GLO1: variants seen among roughly 807,000 people sequenced by gnomAD.
The protein encoded by GLO1 is glyoxalase I, also known as lactoylglutathione lyase.
In GLO1, 28 loss-of-function variants were observed where a neutral mutation model predicts 26.0. The observed-to-expected ratio is 1.08, with a 90% CI of 0.80 to 1.48. GLO1 has a LOEUF of 1.48. GLO1 is among the 40% of genes most tolerant of loss of function. The pLI is 0.00. For missense variants in GLO1, 225 were observed against 224.8 expected (o/e 1.00, Z -0.01); for synonymous variants, 78 against 77.6 (o/e 1.00, Z -0.03).
At position 38,693,693 on chromosome 6, in the gene GLO1, A is replaced by C. The variant is rs868499641; in HGVS notation, c.85-6719T>G. The stretch of plus-strand genomic sequence containing the variant: ...TCTCTCTCTCTCTCTCTCTATATAT[A>C]TATATATATATATTTGTTTTGTTTT... On this transcript the variant is annotated intron_variant, in intron 1 of 5. Coordinates refer to ENST00000373365, the MANE Select transcript of GLO1 (RefSeq NM_006708.3). Among the ~76,000 whole-genome samples, 243 of 131,644 alleles carry C rather than the reference A, an allele frequency of 1.8e-3. 4 individuals are homozygous for C. Among genetic ancestry groups the C allele is most frequent in the South Asian group, 0.014 (61 of 4,270 alleles). The allele number at this position is 131,644 out of a possible 152,430, so 86.4% of individuals were successfully genotyped here. A position where few individuals can be genotyped will look rare whatever the true frequency, so the allele number is the denominator to read the frequency against.
chr6:38,685,867 A>T (rs1323985993), intron 2 of GLO1, among the ~76,000 whole-genome samples: 2 of 152,208 alleles, frequency 1.3e-5, no homozygotes, highest in Non-Finnish European at 2.9e-5. Flanking sequence ...CCCATCAGAC[A>T]ATGGATACAG....
chr6:38,683,006 TA>T (rs1761405287), intron 3 of GLO1, 131 bp from the exon 4 acceptor site: 1 of 605,244 alleles, frequency 1.7e-6, no homozygotes, highest in Non-Finnish European at 3.0e-6. Context: ...GCTACAAAAA[TA>T]TTAAGTTTTC....
At chr6:38,702,757 G>A (rs1157747538) in intron 1 of GLO1, among the ~76,000 whole-genome samples, 1 of 152,122 alleles carries the variant, frequency 6.6e-6, no homozygotes, top group African/African-American at 2.4e-5. Context: ...AAACAGGGTC[G>A]CAGTCTTTGA....
Position 38,681,994 on chromosome 6 carries a change from A to C in GLO1, c.466+18T>G, listed in dbSNP as rs769681686. Reference sequence around the variant, plus strand: ...ATCAACTAAAGACAGGCCTGAACACAGTAAGTAGTAGACTCACCATCATCA... The same window carrying C: ...ATCAACTAAAGACAGGCCTGAACACCGTAAGTAGTAGACTCACCATCATCA... On this transcript the variant is annotated intron_variant, in intron 5 of 5. Coordinates refer to ENST00000373365, the MANE Select transcript of GLO1 (RefSeq NM_006708.3). The C allele has an allele frequency of 8.0e-7, 1 of 1,245,252 alleles. No individual in the cohort carries two copies. Among genetic ancestry groups the C allele is most frequent in the Non-Finnish European group, 1.2e-6 (1 of 842,906 alleles). 77.1% of individuals were successfully genotyped at this position (1,245,252 alleles called of 1,614,324 possible). A position where few individuals can be genotyped will look rare whatever the true frequency, so the allele number is the denominator to read the frequency against.
At chr6:38,699,765 G>C (rs1157918092) in intron 1 of GLO1, among the ~76,000 whole-genome samples, 1 of 152,084 alleles carries the variant, frequency 6.6e-6, no homozygotes, top group Non-Finnish European at 1.5e-5. Flanking sequence ...TTTGTGGTCA[G>C]ACCGCTTCTC....
intron 1 of GLO1, among the ~76,000 whole-genome samples, chr6:38,700,581 C>T (rs1761683753): frequency 6.6e-6 from 1 of 152,108 alleles, no homozygotes; most frequent in Admixed American, 6.5e-5. Context: ...CTTTAAAAAC[C>T]TCTACCTCCC....
Position 38,677,067 on chromosome 6 carries a change from T to A in GLO1, c.*228A>T. 1 of 506,004 alleles carries A rather than the reference T, an allele frequency of 2.0e-6. No homozygotes were observed. Among genetic ancestry groups the A allele is most frequent in the Non-Finnish European group, 3.4e-6 (1 of 290,902 alleles). 31.3% of individuals were successfully genotyped at this position (506,004 alleles called of 1,614,324 possible). On this transcript the variant is annotated 3_prime_UTR_variant, in exon 6 of 6. Transcript: ENST00000373365. ...ACTGTTCTAATTATTACCTAAAAAATAAAGTTACACAACTATATTCAAGGA... is the reference window on the plus strand; with the variant it reads ...ACTGTTCTAATTATTACCTAAAAAAAAAAGTTACACAACTATATTCAAGGA...
chr6:38,701,624 T>C (rs1761698930), intron 1 of GLO1, among the ~76,000 whole-genome samples: 1 of 152,220 alleles, frequency 6.6e-6, no homozygotes, highest in Non-Finnish European at 1.5e-5. Flanking sequence ...ACAAGTGAGA[T>C]GGGCATGACG....
chr6:38,684,549 C>T (rs1761435430), intron 2 of GLO1, 35 bp from the exon 3 acceptor site: 3 of 1,384,422 alleles, frequency 2.2e-6, no homozygotes, highest in Non-Finnish European at 2.8e-6. Context: ...GAATCATTAA[C>T]AACAGGAAAG....
At chr6:38,702,022 C>A (rs1196349494) in intron 1 of GLO1, among the ~76,000 whole-genome samples, 1 of 151,802 alleles carries the variant, frequency 6.6e-6, no homozygotes, top group Non-Finnish European at 1.5e-5. Flanking sequence ...GCTCCGCCTC[C>A]CGGGTTCATG....
Position 38,690,518 on chromosome 6 carries a change from T to C in GLO1, c.85-3544A>G, listed in dbSNP as rs972178179. 2.6e-5 allele frequency among the ~76,000 whole-genome samples: 4 copies of C among 151,996 alleles called. No homozygotes were observed. In the South Asian group the frequency reaches 6.2e-4, roughly 24 times the overall value. ...TCTAATGGCATGGGAATATATAAAA[T>C]GGTATATTAGCTTTTAAAAACATTA... is the stretch of plus-strand genomic sequence containing the variant. On this transcript the variant is annotated intron_variant, in intron 1 of 5. Transcript: ENST00000373365.
intron 5 of GLO1, 108 bp downstream of exon 5, chr6:38,681,904 A>C (rs1207079009): frequency 7.4e-6 from 5 of 672,960 alleles, no homozygotes; most frequent in Non-Finnish European, 8.2e-6. Flanking sequence ...TGAAGTGGAG[A>C]CTTCTGTTAC....
rs1203906028 is a variant in GLO1 at position 38,676,342 on chromosome 6, A to C, written c.*953T>G. 1 of 152,168 alleles carries C rather than the reference A, an allele frequency of 6.6e-6. No homozygotes were observed. 9.4% of individuals were successfully genotyped at this position (152,168 alleles called of 1,614,324 possible). A position where few individuals can be genotyped will look rare whatever the true frequency, so the allele number is the denominator to read the frequency against. On this transcript the variant is annotated 3_prime_UTR_variant, in exon 6 of 6. Transcript: ENST00000373365. ...TGAGAAATATAAACATCACTTGTGT[A>C]GGAATCACCAGGTGTCCCTAGAGCA...
intron 1 of GLO1, among the ~76,000 whole-genome samples, chr6:38,689,713 G>A (rs543964814): frequency 1.4e-4 from 22 of 152,176 alleles, no homozygotes; most frequent in Non-Finnish European, 3.1e-4. Context: ...TTGGGGGGCT[G>A]AGACGGGCGG....
intron 1 of GLO1, among the ~76,000 whole-genome samples, chr6:38,698,422 T>A (rs549559234): frequency 6.7e-6 from 1 of 148,388 alleles, no homozygotes; most frequent in South Asian, 2.1e-4. Context: ...AGGGACCCCA[T>A]CATATATATA....
intron 5 of GLO1, among the ~76,000 whole-genome samples, chr6:38,680,248 G>A (rs1459008951): frequency 1.3e-5 from 2 of 152,244 alleles, no homozygotes; most frequent in African/African-American, 2.4e-5. Flanking sequence ...AGGGCTGGGT[G>A]CGGTGGCTCA....
Position 38,684,357 on chromosome 6 carries a change from T to C in GLO1, c.308+17A>G. On this transcript the variant is annotated intron_variant, in intron 3 of 5. Transcript: ENST00000373365. ...AAAAAATCTATAATATATATAAATA[T>C]AGAAACTCATACTCACTGTGTCAGC... 1 of 1,274,420 alleles carries C rather than the reference T, an allele frequency of 7.8e-7. No homozygotes were observed. The highest frequency in any genetic ancestry group is 3.0e-5 in the East Asian group (1 of 33,634). 78.9% of individuals were successfully genotyped at this position (1,274,420 alleles called of 1,614,324 possible).
At chr6:38,696,062 G>A (rs967105910) in intron 1 of GLO1, among the ~76,000 whole-genome samples, 1 of 152,110 alleles carries the variant, frequency 6.6e-6, no homozygotes, top group African/African-American at 2.4e-5. Flanking sequence ...GTTGTACTTA[G>A]CAGGAGGAAT....
At chr6:38,684,623 G>A in intron 2 of GLO1, 109 bp from the exon 3 acceptor site, 2 of 563,844 alleles carry the variant, frequency 3.5e-6, no homozygotes, top group East Asian at 3.4e-5. Context: ...AGAGCTATAT[G>A]TAGTAAGCCT....
Sources: allele counts gnomAD v4.1 joint callset (sites outside exome capture counted in the v4.1 genomes callset), GRCh38; gene constraint gnomAD v4.1.1; transcripts MANE v1.5; gene names NCBI Gene and HGNC (gene_info 2026-07-23, HGNC 2026-07-21).